ZNF845: variants seen among roughly 807,000 people sequenced by gnomAD.
The protein encoded by ZNF845 is zinc finger protein 845.
Under a neutral mutation model 76.1 loss-of-function variants are expected in ZNF845, and 59 were observed. The observed-to-expected ratio is 0.78, with a 90% CI of 0.63 to 0.96. The LOEUF (loss-of-function observed/expected upper bound fraction) is 0.96. ZNF845 is among the 40% of genes least tolerant of loss of function. The pLI, the probability that ZNF845 is intolerant of heterozygous loss-of-function variation, is 0.00. For missense variants in ZNF845, 1,045 were observed against 1,172.8 expected (o/e 0.89, Z 1.59); for synonymous variants, 361 against 386.9 (o/e 0.93, Z 0.78).
chr19:53,352,336 A>G lies in ZNF845; in HGVS notation c.1661A>G (p.Asn554Ser). ...ACTGGAGAGAAACCTTACCAGTGTA[A>G]TGAGTGTGGCAAAGCCTTTCGTGGG... ...LHTGEKPYQC[N>S]ECGKAFRGQS... Residue 554 changes from asparagine (N) to serine (S), a missense_variant, in exon 4 of 4, where the codon AAT becomes AGT. By Grantham distance (46) the Asn-to-Ser change is conservative. Transcript: ENST00000458035. 1.2e-6 allele frequency: 2 copies of G among 1,613,838 alleles called. No individual in the cohort carries two copies. Among genetic ancestry groups the G allele is most frequent in the Non-Finnish European group, 1.7e-6 (2 of 1,179,906 alleles).
rs374984657 is a variant in ZNF845 at position 53,351,493 on chromosome 19, G to A, written c.818G>A (p.Cys273Tyr). 23 of 1,614,104 alleles carry A rather than the reference G, an allele frequency of 1.4e-5. No individual in the cohort carries two copies. Among genetic ancestry groups the A allele is most frequent in the Non-Finnish European group, 1.9e-5 (22 of 1,180,040 alleles). The change falls in exon 4 of 4, where the codon TGT becomes TAT. Residue 273 changes from cysteine (C) to tyrosine (Y), a missense_variant. Physicochemically the swap from Cys to Tyr is radical, Grantham distance 194. Transcript: ENST00000458035. Reference protein sequence around the residue: ...RCHTGKKPYKCNDCGKTFSQE... With the variant: ...RCHTGKKPYKYNDCGKTFSQE... ...CACACTGGCAAGAAACCTTACAAGT[G>A]TAATGATTGTGGCAAGACCTTCAGT...
chr19:53,335,125 C>G (rs2085204254), intron 1 of ZNF845, among the ~76,000 whole-genome samples: 1 of 152,162 alleles, frequency 6.6e-6, no homozygotes, highest in Non-Finnish European at 1.5e-5. Flanking sequence ...CTTGGAATCC[C>G]TATTCAGCCA....
Position 53,352,107 on chromosome 19 carries a change from C to G in ZNF845, c.1432C>G (p.Gln478Glu), listed in dbSNP as rs1480722069. 2 of 1,613,832 alleles carry G rather than the reference C, an allele frequency of 1.2e-6. No individual in the cohort carries two copies. The highest frequency in any genetic ancestry group is 1.7e-6 in the Non-Finnish European group (2 of 1,179,920). Residue 478 changes from glutamine to glutamate, a missense_variant, in exon 4 of 4, where the codon CAG becomes GAG. Physicochemically the swap from Gln to Glu is conservative, Grantham distance 29. Coordinates refer to ENST00000458035, the MANE Select transcript of ZNF845 (RefSeq NM_138374.3). ...TAATGATTGTGGCAAGACCTTCAGT[C>G]AGACATCATCCCTTGTATACCATCG... ...KCNDCGKTFSQTSSLVYHRRL... is the reference protein window; with the variant it reads ...KCNDCGKTFSETSSLVYHRRL...
At chr19:53,334,704 C>T (rs1391045067) in intron 1 of ZNF845, among the ~76,000 whole-genome samples, 1 of 147,712 alleles carries the variant, frequency 6.8e-6, no homozygotes, top group Non-Finnish European at 1.5e-5. Context: ...AGTTCAAGAC[C>T]GGCCTGGGCA....
At chr19:53,344,662 C>T (rs2085282317) in intron 2 of ZNF845, among the ~76,000 whole-genome samples, 1 of 85,566 alleles carries the variant, frequency 1.2e-5, no homozygotes. Context: ...TGGAGTTTCA[C>T]TCTTGTTGCC....
chr19:53,335,539 G>C (rs115668542), intron 1 of ZNF845, among the ~76,000 whole-genome samples: 1 of 152,072 alleles, frequency 6.6e-6, no homozygotes, highest in Non-Finnish European at 1.5e-5. Flanking sequence ...GGGATTACAG[G>C]TGGAATTACA....
At position 53,354,249 on chromosome 19, in the gene ZNF845, T is replaced by C; in HGVS notation, c.*661T>C. ...TCAGAAAATTCATTTTTGAGATGAT[T>C]GTTCCAAATGCAATGAGTATAGCAA... On this transcript the variant is annotated 3_prime_UTR_variant, in exon 4 of 4. Transcript: ENST00000458035. 1 of 485,902 alleles carries C rather than the reference T, an allele frequency of 2.1e-6. No homozygotes were observed. Among genetic ancestry groups the C allele is most frequent in the South Asian group, 1.6e-5 (1 of 64,064 alleles). 30.1% of individuals were successfully genotyped at this position (485,902 alleles called of 1,614,324 possible). A position where few individuals can be genotyped will look rare whatever the true frequency, so the allele number is the denominator to read the frequency against.
At position 53,345,389 on chromosome 19, in the gene ZNF845, G is replaced by A. The variant is rs530268357; in HGVS notation, c.16-117G>A. On this transcript the variant is annotated intron_variant, in intron 2 of 3. Transcript: ENST00000458035. ...AATGTGGTGAAGAATCCCTTACTCG[G>A]ATTTGTCAGAACATTCACTACAATT... The A allele has an allele frequency of 5.0e-4, 792 of 1,580,324 alleles. 2 individuals carry two copies. Among genetic ancestry groups the A allele is most frequent in the Middle Eastern group, 1.9e-3 (11 of 5,810 alleles).
rs760505583 is a variant in ZNF845, at chr19:53,351,361, T to C, written c.686T>C (p.Val229Ala). The change falls in exon 4 of 4, where the codon GTC becomes GCC. Residue 229 changes from valine (V) to alanine (A), a missense_variant. Val to Ala is a moderately conservative substitution (Grantham distance 64). Transcript: ENST00000458035. ...GGCAAAGCCTTTAATTATAGCTCAGTCTTAAGGAAACATCAGATAATCCAT... is the reference window on the plus strand; with the variant it reads ...GGCAAAGCCTTTAATTATAGCTCAGCCTTAAGGAAACATCAGATAATCCAT... ...ESGKAFNYSS[V>A]LRKHQIIHLG... 2 of 1,614,068 alleles carry C rather than the reference T, an allele frequency of 1.2e-6. No individual in the cohort carries two copies. Among genetic ancestry groups the C allele is most frequent in the East Asian group, 4.5e-5 (2 of 44,898 alleles).
rs2085335841 is a variant in ZNF845 at position 53,351,559 on chromosome 19, G to C, written c.884G>C (p.Gly295Ala). ...TLTCHHRLHTGEKHYKCSECG... is the reference protein window; with the variant it reads ...TLTCHHRLHTAEKHYKCSECG... Reference sequence around the variant, plus strand: ...ACATGCCATCATAGACTTCATACTGGAGAGAAACATTACAAGTGCAGTGAG... The same window carrying C: ...ACATGCCATCATAGACTTCATACTGCAGAGAAACATTACAAGTGCAGTGAG... The change falls in exon 4 of 4, where the codon GGA (glycine) becomes GCA (alanine). Residue 295 changes from glycine (G) to alanine (A), a missense_variant. Gly to Ala is a moderately conservative substitution (Grantham distance 60). Transcript: ENST00000458035. The C allele has an allele frequency of 6.2e-7, 1 of 1,614,050 alleles. No individual in the cohort carries two copies. Among genetic ancestry groups the C allele is most frequent in the African/African-American group, 1.3e-5 (1 of 74,942 alleles).
At chr19:53,337,463 C>G (rs1190509903) in intron 1 of ZNF845, among the ~76,000 whole-genome samples, 1 of 150,204 alleles carries the variant, frequency 6.7e-6, no homozygotes, top group Admixed American at 6.6e-5. Context: ...TCCCTGCAAC[C>G]TCTGTCTTCT....
intron 1 of ZNF845, among the ~76,000 whole-genome samples, chr19:53,339,124 A>G (rs1046475692): frequency 2.0e-5 from 3 of 152,040 alleles, no homozygotes; most frequent in Non-Finnish European, 4.4e-5. Flanking sequence ...ATGTGCTATA[A>G]TGTAAATGTG....
Position 53,347,442 on chromosome 19 carries a change from GTTT to G in ZNF845, c.142+1825_142+1827del, listed in dbSNP as rs11353009. Among the ~76,000 whole-genome samples the G allele has an allele frequency of 1.5e-4, 22 of 147,890 alleles. No individual in the cohort carries two copies. The East Asian group carries it at 4.1e-3, about 27-fold the overall frequency. On this transcript the variant is annotated intron_variant, in intron 3 of 3. Transcript: ENST00000458035. ...CAGGCACATGCCACCACACCTGGCT[GTTT>G]TTTTTTTTTTTTTTCTGTAGAGATG... is the stretch of plus-strand genomic sequence containing the variant.
intron 2 of ZNF845, among the ~76,000 whole-genome samples, 183 bp from the exon 3 acceptor site, chr19:53,345,321 GAA>G (rs200949602): frequency 1.4e-5 from 2 of 141,980 alleles, no homozygotes; most frequent in South Asian, 2.2e-4. Context: ...GTCTCAAAAA[GAA>G]AAAAAAAAAG....
At position 53,354,220 on chromosome 19, in the gene ZNF845, A is replaced by T; in HGVS notation, c.*632A>T. ...TTCAGTCTGAGATCACCCCTTAAGG[A>T]ACATCAGAAAATTCATTTTTGAGAT... On this transcript the variant is annotated 3_prime_UTR_variant, in exon 4 of 4. Coordinates refer to ENST00000458035, the MANE Select transcript of ZNF845 (RefSeq NM_138374.3). 1 of 516,544 alleles carries T rather than the reference A, an allele frequency of 1.9e-6. No homozygotes were observed. Among genetic ancestry groups the T allele is most frequent in the South Asian group, 1.5e-5 (1 of 66,660 alleles). 32.0% of individuals were successfully genotyped at this position (516,544 alleles called of 1,614,324 possible). A position where few individuals can be genotyped will look rare whatever the true frequency, so the allele number is the denominator to read the frequency against.
intron 1 of ZNF845, among the ~76,000 whole-genome samples, chr19:53,338,694 GCACACACACACACACA>G (rs57616883): frequency 2.1e-5 from 3 of 140,350 alleles, no homozygotes; most frequent in Non-Finnish European, 4.6e-5. Context: ...CAACACGTGA[GCACACACACACACACA>G]CACACACACA....
Position 53,351,592 on chromosome 19 carries a change from A to G in ZNF845, c.917A>G (p.Lys306Arg). The change falls in exon 4 of 4, where the codon AAG becomes AGG. Residue 306 changes from lysine (K) to arginine (R), a missense_variant. Coordinates refer to ENST00000458035, the MANE Select transcript of ZNF845 (RefSeq NM_138374.3). ...CATTACAAGTGCAGTGAGTGTGGCA[A>G]GACCTTCAGTCGAAATTCAGCCCTT... ...EKHYKCSECG[K>R]TFSRNSALVI... 1 of 1,614,106 alleles carries G rather than the reference A, an allele frequency of 6.2e-7. No homozygotes were observed. Among genetic ancestry groups the G allele is most frequent in the Non-Finnish European group, 8.5e-7 (1 of 1,179,980 alleles).
In ZNF845 at chr19:53,352,764, G is replaced by C; in HGVS notation, c.2089G>C (p.Gly697Arg). The change falls in exon 4 of 4, where the codon GGC becomes CGC. Residue 697 changes from glycine (G) to arginine (R), a missense_variant. Gly to Arg is a moderately radical substitution (Grantham distance 125, BLOSUM62 -2). Transcript: ENST00000458035. The stretch of plus-strand genomic sequence containing the variant: ...GAAACCTTACAAGTGTAATGAGTGT[G>C]GCAAGACCTTCGGTCGAAATTCAGC... Reference protein sequence around the residue: ...GEKPYKCNECGKTFGRNSALI... With the variant: ...GEKPYKCNECRKTFGRNSALI... The C allele has an allele frequency of 6.2e-7, 1 of 1,614,136 alleles. No homozygotes were observed. The highest frequency in any genetic ancestry group is 1.1e-5 in the South Asian group (1 of 91,072).
Position 53,353,867 on chromosome 19 carries a change from A to C in ZNF845, c.*279A>C. 1 of 1,205,692 alleles carries C rather than the reference A, an allele frequency of 8.3e-7. No individual in the cohort carries two copies. The highest frequency in any genetic ancestry group is 1.2e-6 in the Non-Finnish European group (1 of 864,066). The allele number at this position is 1,205,692 out of a possible 1,614,324, so 74.7% of individuals were successfully genotyped here. On this transcript the variant is annotated 3_prime_UTR_variant, in exon 4 of 4. Transcript: ENST00000458035. ...ATGTAATGATTATCACAAAGTCTTC[A>C]GTAACACTACAACCGTTTCAAATCA...
Sources: allele counts gnomAD v4.1 joint callset (sites outside exome capture counted in the v4.1 genomes callset), GRCh38; gene constraint gnomAD v4.1.1; transcripts MANE v1.5; gene names NCBI Gene and HGNC (gene_info 2026-07-23, HGNC 2026-07-21).